TRAPPC12: variants seen among roughly 807,000 people sequenced by gnomAD.
TRAPPC12 encodes the protein TPR repeat protein 15.
A neutral mutation model predicts 69.2 loss-of-function variants in TRAPPC12; 61 were observed. The ratio of observed to expected loss-of-function variants is 0.88; its 90% CI spans 0.72 to 1.09. The LOEUF (loss-of-function observed/expected upper bound fraction) is 1.09. TRAPPC12 is among the 50% of genes least tolerant of loss of function. The pLI is 0.00. For missense variants in TRAPPC12, 1,101 were observed against 1,016.4 expected, an observed-to-expected ratio of 1.08 and a Z score of -1.13; for synonymous variants, 469 against 438.9, an observed-to-expected ratio of 1.07 and a Z score of -0.86.
intron 8 of TRAPPC12, 45 bp downstream of exon 8, chr2:3,460,381 G>C (rs756560541): frequency 3.5e-6 from 3 of 847,254 alleles, no homozygotes; most frequent in South Asian, 1.4e-5. Flanking sequence ...CTGGAAGAGC[G>C]GGGTCAGTGG....
intron 5 of TRAPPC12, among the ~76,000 whole-genome samples, 191 bp downstream of exon 5, chr2:3,424,854 G>C (rs938998075): frequency 3.9e-5 from 6 of 152,256 alleles, no homozygotes; most frequent in Non-Finnish European, 8.8e-5. Flanking sequence ...ACCTGGAGGT[G>C]CTCCCTGGTG....
intron 5 of TRAPPC12, among the ~76,000 whole-genome samples, chr2:3,435,791 T>C (rs972934776): frequency 6.6e-6 from 1 of 152,204 alleles, no homozygotes; most frequent in Non-Finnish European, 1.5e-5. Flanking sequence ...GGAAACAATA[T>C]ATATCTAATG....
chr2:3,476,789 C>T lies in TRAPPC12; in HGVS notation c.1777-906C>T, dbSNP rs1223452867. Among the ~76,000 whole-genome samples the T allele has an allele frequency of 3.3e-5, 5 of 152,254 alleles. No individual in the cohort carries two copies. The East Asian group carries it at 9.7e-4, about 29-fold the overall frequency. ...CAGCCCTCCTCATGGAGGTGAGCCG[C>T]GCGCATTCAGCTTGTTTCTCATCGA... On this transcript the variant is annotated intron_variant, in intron 9 of 11. Transcript: ENST00000324266.
intron 3 of TRAPPC12, among the ~76,000 whole-genome samples, chr2:3,412,615 C>A (rs760700701): frequency 6.6e-6 from 1 of 152,134 alleles, no homozygotes; most frequent in Non-Finnish European, 1.5e-5. Context: ...GCTCATCTTG[C>A]AATGAGCAAG....
At chr2:3,389,763 A>G in intron 2 of TRAPPC12, 1 of 469,906 alleles carries the variant, frequency 2.1e-6, no homozygotes, top group Non-Finnish European at 4.4e-6. Flanking sequence ...GAACGAGATT[A>G]TGCCGACAAC....
At chr2:3,456,112 C>A (rs142920825) in intron 6 of TRAPPC12, 111 of 152,284 alleles carry the variant, frequency 7.3e-4, no homozygotes, top group African/African-American at 2.4e-3. Flanking sequence ...TGGCTAGATT[C>A]TTTTCAAGGT....
At chr2:3,413,079 G>A (rs1046057585) in intron 3 of TRAPPC12, among the ~76,000 whole-genome samples, 7 of 152,132 alleles carry the variant, frequency 4.6e-5, no homozygotes, top group African/African-American at 1.2e-4. Context: ...GGACAACTCC[G>A]GGTTACTGGT....
intron 9 of TRAPPC12, among the ~76,000 whole-genome samples, chr2:3,475,917 A>AT (rs1194710738): frequency 2.0e-5 from 3 of 152,162 alleles, no homozygotes; most frequent in African/African-American, 7.2e-5. Context: ...GTTAATCTTG[A>AT]TCGGTCTTGA....
chr2:3,424,852 G>A lies in TRAPPC12; in HGVS notation c.1417+189G>A, dbSNP rs868293724. On this transcript the variant is annotated intron_variant, in intron 5 of 11. Coordinates refer to ENST00000324266, the MANE Select transcript of TRAPPC12 (RefSeq NM_016030.6). ...GATTTACCGAAACACTGACCTGGAG[G>A]TGCTCCCTGGTGCATCTGTTTGTAC... is the stretch of plus-strand genomic sequence containing the variant. Among the ~76,000 whole-genome samples, 5 of 152,350 alleles carry A rather than the reference G, an allele frequency of 3.3e-5. No individual in the cohort carries two copies. In the South Asian group the frequency reaches 1.0e-3, roughly 32 times the overall value.
chr2:3,452,296 G>C (rs984012916), intron 6 of TRAPPC12, among the ~76,000 whole-genome samples: 2 of 152,190 alleles, frequency 1.3e-5, no homozygotes, highest in East Asian at 3.8e-4. Flanking sequence ...GGAGGAGGAG[G>C]AAGCCACAGT....
rs75769964 is a variant in TRAPPC12, at chr2:3,413,047, G to T, written c.1165-8834G>T. Reference sequence around the variant, plus strand: ...CCAAAGACCCTTCCAGAAGAAAACAGTTGAATACTTTTAGTGCAGAAGGAC... The same window carrying T: ...CCAAAGACCCTTCCAGAAGAAAACATTTGAATACTTTTAGTGCAGAAGGAC... On this transcript the variant is annotated intron_variant, in intron 3 of 11. Coordinates refer to ENST00000324266, the MANE Select transcript of TRAPPC12 (RefSeq NM_016030.6). Among the ~76,000 whole-genome samples the T allele has an allele frequency of 0.017, 2,650 of 152,308 alleles. 114 individuals are homozygous for T. The East Asian group carries it at 0.17, about 10-fold the overall frequency.
At chr2:3,390,765 T>C (rs529120615) in intron 2 of TRAPPC12, among the ~76,000 whole-genome samples, 40 of 152,286 alleles carry the variant, frequency 2.6e-4, no homozygotes, top group Middle Eastern at 3.4e-3. Context: ...TCCATGTAGA[T>C]TCATCAGTTG....
At chr2:3,470,503 C>T (rs1666016778) in intron 9 of TRAPPC12, among the ~76,000 whole-genome samples, 1 of 152,266 alleles carries the variant, frequency 6.6e-6, no homozygotes. Flanking sequence ...TGAATCTTCT[C>T]ATGGACAACA....
At chr2:3,459,048 TCTC>T (rs1665336999) in intron 7 of TRAPPC12, among the ~76,000 whole-genome samples, 1 of 152,250 alleles carries the variant, frequency 6.6e-6, no homozygotes, top group Non-Finnish European at 1.5e-5. Context: ...TTCTGTGTGT[TCTC>T]CTGAAGCACA....
Position 3,478,950 on chromosome 2 carries a change from G to A in TRAPPC12, c.1965+17G>A, listed in dbSNP as rs1323064448. Reference sequence around the variant, plus strand: ...AACGCAGTGGTAAGATCCCCAAGCTGCAGGATCCTCCATCCTCTGCCTTTC... The same window carrying A: ...AACGCAGTGGTAAGATCCCCAAGCTACAGGATCCTCCATCCTCTGCCTTTC... On this transcript the variant is annotated intron_variant, in intron 11 of 11. Coordinates refer to ENST00000324266, the MANE Select transcript of TRAPPC12 (RefSeq NM_016030.6). 1.2e-6 allele frequency: 2 copies of A among 1,610,926 alleles called. No homozygotes were observed. The highest frequency in any genetic ancestry group is 1.3e-5 in the African/African-American group (1 of 74,858).
intron 4 of TRAPPC12, among the ~76,000 whole-genome samples, chr2:3,422,794 C>A (rs1350923480): frequency 6.6e-6 from 1 of 152,248 alleles, no homozygotes; most frequent in African/African-American, 2.4e-5. Flanking sequence ...GTTTTCCTAT[C>A]ATTTCTCTCC....
At chr2:3,383,780 C>T (rs539100541) in intron 1 of TRAPPC12, among the ~76,000 whole-genome samples, 1 of 148,952 alleles carries the variant, frequency 6.7e-6, no homozygotes, top group East Asian at 2.0e-4. Context: ...TTTATTTTTT[C>T]CCAGCTGCAT....
At chr2:3,438,742 C>T (rs914031444) in intron 5 of TRAPPC12, among the ~76,000 whole-genome samples, 3 of 151,962 alleles carry the variant, frequency 2.0e-5, no homozygotes, top group African/African-American at 4.8e-5. Context: ...TTTAGGGTTC[C>T]GCTGTCTTTT....
chr2:3,387,581 G>C (rs1324721669), intron 1 of TRAPPC12, 39 bp from the exon 2 acceptor site: 7 of 1,439,994 alleles, frequency 4.9e-6, no homozygotes, highest in Non-Finnish European at 5.6e-6. Flanking sequence ...GGTGAATGAA[G>C]ATCACGCTCA....
Sources: gnomAD v4.1 joint callset for allele counts (sites outside exome capture counted in the v4.1 genomes callset) on GRCh38, gnomAD v4.1.1 for gene constraint, MANE v1.5 for transcripts, NCBI Gene and HGNC (gene_info 2026-07-23, HGNC 2026-07-21) for gene names.